CNOT2: variants seen among roughly 807,000 people sequenced by gnomAD.
CNOT2 encodes the protein CC chemokine receptor 4-negative regulator of transcription 2.
Under a neutral mutation model 72.1 loss-of-function variants are expected in CNOT2, and 7 were observed. The ratio of observed to expected loss-of-function variants is 0.10; its 90% CI spans 0.06 to 0.18. The LOEUF is 0.18. Ranked by LOEUF, CNOT2 falls within the 10% of genes least tolerant of loss-of-function variation. The probability of loss-of-function intolerance (pLI) is 1.00; values close to 1 mark genes in which losing one functional copy is unlikely to be tolerated. For missense variants in CNOT2, 345 were observed against 660.3 expected, an observed-to-expected ratio of 0.52 and a Z score of 5.23; for synonymous variants, 196 against 225.6, an observed-to-expected ratio of 0.87 and a Z score of 1.17.
At chr12:70,289,996 A>G (rs920247787) in intron 2 of CNOT2, among the ~76,000 whole-genome samples, 5 of 152,060 alleles carry the variant, frequency 3.3e-5, no homozygotes, top group African/African-American at 1.2e-4. Flanking sequence ...TAAGTTACTT[A>G]TAATAGAAGC....
rs68143994 is a variant in CNOT2 at position 70,288,136 on chromosome 12, CTTTTTTTTTTT to C, written c.48+9876_48+9886del. Among the ~76,000 whole-genome samples the C allele has an allele frequency of 7.2e-3, 624 of 86,742 alleles. 17 individuals carry two copies. Among genetic ancestry groups the C allele is most frequent in the African/African-American group, 0.023 (539 of 23,466 alleles). The allele number at this position is 86,742 out of a possible 152,430, so 56.9% of individuals were successfully genotyped here. ...GGGTTATTACAATTATGGTGTAGCT[CTTTTTTTTTTT>C]TTTTTTTTTTTTTGAAACGGAGTTT... On this transcript the variant is annotated intron_variant, in intron 2 of 15. Coordinates refer to ENST00000229195, the MANE Select transcript of CNOT2 (RefSeq NM_014515.7).
intron 1 of CNOT2, among the ~76,000 whole-genome samples, chr12:70,260,079 G>A (rs1428949740): frequency 6.6e-6 from 1 of 152,038 alleles, no homozygotes; most frequent in Non-Finnish European, 1.5e-5. Flanking sequence ...TTGAAAACAG[G>A]AATTTTTGAG....
chr12:70,300,353 G>C (rs1455372949), intron 2 of CNOT2, among the ~76,000 whole-genome samples: 1 of 152,150 alleles, frequency 6.6e-6, no homozygotes, highest in Non-Finnish European at 1.5e-5. Flanking sequence ...ATGGTTTTAG[G>C]TCTAACATTT....
intron 3 of CNOT2, among the ~76,000 whole-genome samples, chr12:70,318,236 T>C (rs1043093496): frequency 6.6e-6 from 1 of 152,002 alleles, no homozygotes; most frequent in Non-Finnish European, 1.5e-5. Flanking sequence ...GTAGCCATTC[T>C]TGTATGACAT....
intron 2 of CNOT2, among the ~76,000 whole-genome samples, chr12:70,288,684 A>T (rs923844102): frequency 6.6e-6 from 1 of 152,160 alleles, no homozygotes; most frequent in African/African-American, 2.4e-5. Flanking sequence ...GCATGTAGTA[A>T]GTATTGTTGA....
intron 1 of CNOT2, among the ~76,000 whole-genome samples, chr12:70,268,086 C>CA (rs1555188953): frequency 1.3e-5 from 2 of 152,208 alleles, no homozygotes; most frequent in Non-Finnish European, 2.9e-5. Flanking sequence ...TCATAAAACT[C>CA]TAAGTTTTCT....
At chr12:70,332,969 A>C in intron 7 of CNOT2, 123 bp downstream of exon 7, 1 of 1,318,718 alleles carries the variant, frequency 7.6e-7, no homozygotes, top group Non-Finnish European at 9.7e-7. Context: ...GGTAGATTTT[A>C]ATTCAGTGAA....
Position 70,342,096 on chromosome 12 carries a change from T to C in CNOT2, c.1179-11T>C. On this transcript the variant is annotated splice_polypyrimidine_tract_variant and intron_variant, in intron 11 of 15. Transcript: ENST00000229195. ...TGGATTTCAAAATGTTTTCTTTTCC[T>C]CCTTATTCAGAAATCTCTACCCCAA... The C allele has an allele frequency of 2.0e-6, 3 of 1,524,966 alleles. No homozygotes were observed. The highest frequency in any genetic ancestry group is 2.7e-6 in the Non-Finnish European group (3 of 1,098,952). 94.5% of individuals were successfully genotyped at this position (1,524,966 alleles called of 1,614,324 possible). A position where few individuals can be genotyped will look rare whatever the true frequency, so the allele number is the denominator to read the frequency against.
intron 1 of CNOT2, among the ~76,000 whole-genome samples, chr12:70,262,868 T>C (rs921593648): frequency 4.6e-5 from 7 of 152,110 alleles, no homozygotes; most frequent in African/African-American, 7.2e-5. Context: ...AGATGGAGTT[T>C]TGCCATGTTG....
At position 70,338,572 on chromosome 12, in the gene CNOT2, C is replaced by G; in HGVS notation, c.1021+9C>G. The G allele has an allele frequency of 1.9e-6, 3 of 1,604,090 alleles. No individual in the cohort carries two copies. Among genetic ancestry groups the G allele is most frequent in the Non-Finnish European group, 2.5e-6 (3 of 1,177,244 alleles). ...CCAGGTGTTACCTGATGGTGGGACT[C>G]TAGAAATCTATGTCAAAGATATTAT... On this transcript the variant is annotated intron_variant, in intron 10 of 15. Transcript: ENST00000229195.
chr12:70,329,104 C>T (rs1297532201), intron 4 of CNOT2, among the ~76,000 whole-genome samples: 4 of 151,670 alleles, frequency 2.6e-5, no homozygotes, highest in East Asian at 1.9e-4. Flanking sequence ...TACATATATG[C>T]AAATAGGCCT....
chr12:70,319,074 A>G (rs1454279100), intron 3 of CNOT2: 4 of 357,006 alleles, frequency 1.1e-5, no homozygotes, highest in African/African-American at 4.2e-5. Flanking sequence ...TAGAAAACTT[A>G]TAGTATTAAA....
At position 70,354,159 on chromosome 12, in the gene CNOT2, T is replaced by C. The variant is rs1883217618; in HGVS notation, c.*244T>C. On this transcript the variant is annotated 3_prime_UTR_variant, in exon 16 of 16. Coordinates refer to ENST00000229195, the MANE Select transcript of CNOT2 (RefSeq NM_014515.7). Reference sequence around the variant, plus strand: ...TTTGAGCAGGGTCTGAATTTTTTCATTTATTTCCTTTTTTGCCAGCAGACA... The same window carrying C: ...TTTGAGCAGGGTCTGAATTTTTTCACTTATTTCCTTTTTTGCCAGCAGACA... 1.6e-6 allele frequency: 1 copy of C among 627,428 alleles called. No homozygotes were observed. The highest frequency in any genetic ancestry group is 2.3e-6 in the Non-Finnish European group (1 of 431,680). 38.9% of individuals were successfully genotyped at this position (627,428 alleles called of 1,614,324 possible).
chr12:70,252,646 A>G (rs763187584), intron 1 of CNOT2, among the ~76,000 whole-genome samples: 8 of 152,290 alleles, frequency 5.3e-5, no homozygotes, highest in Non-Finnish European at 8.8e-5. Context: ...GAAATTTTAC[A>G]TGATGTTCAT....
chr12:70,315,084 G>C (rs779081135), intron 3 of CNOT2, among the ~76,000 whole-genome samples: 1 of 151,964 alleles, frequency 6.6e-6, no homozygotes, highest in Admixed American at 6.6e-5. Context: ...GGCCGGTCAC[G>C]AACTCCTGAC....
intron 11 of CNOT2, among the ~76,000 whole-genome samples, chr12:70,340,785 A>G (rs1344059389): frequency 1.3e-5 from 2 of 151,886 alleles, no homozygotes; most frequent in African/African-American, 4.8e-5. Context: ...CTTCCCGTAC[A>G]ATCTCTTCAT....
At position 70,344,131 on chromosome 12, in the gene CNOT2, G is replaced by A; in HGVS notation, c.1294G>A (p.Ala432Thr). 6.3e-7 allele frequency: 1 copy of A among 1,592,760 alleles called. No homozygotes were observed. The highest frequency in any genetic ancestry group is 8.5e-7 in the Non-Finnish European group (1 of 1,169,842). Residue 432 changes from alanine (A) to threonine (T), a missense_variant, in exon 14 of 16, where the codon GCT becomes ACT. Transcript: ENST00000229195. ...ATAAGTTATTTTTCTTTTTCAGCTG[G>A]CTGCAATAAAACTTGGCCGATATGG... Reference protein sequence around the residue: ...LTNIHIRDKLAAIKLGRYGED... With the variant: ...LTNIHIRDKLTAIKLGRYGED...
chr12:70,319,051 T>G (rs1223618739), intron 3 of CNOT2: 3 of 306,036 alleles, frequency 9.8e-6, no homozygotes, highest in African/African-American at 2.2e-5. Context: ...GTAACTCAAG[T>G]TAGTGTGACT....
At chr12:70,263,682 G>A (rs1244996842) in intron 1 of CNOT2, among the ~76,000 whole-genome samples, 1 of 151,886 alleles carries the variant, frequency 6.6e-6, no homozygotes, top group African/African-American at 2.4e-5. Flanking sequence ...TGACATCTTG[G>A]CTCTTAAACA....
Sources: gnomAD v4.1 joint callset for allele counts (sites outside exome capture counted in the v4.1 genomes callset) on GRCh38, gnomAD v4.1.1 for gene constraint, MANE v1.5 for transcripts, NCBI Gene and HGNC (gene_info 2026-07-23, HGNC 2026-07-21) for gene names.